The following DLAT variants were observed in gnomAD, a reference collection of about 807,000 sequenced individuals.
The protein encoded by DLAT is dihydrolipoyllysine-residue acetyltransferase component of pyruvate dehydrogenase complex, mitochondrial.
DLAT carries 43 observed loss-of-function variants against 68.0 expected under a neutral mutation model. The observed-to-expected ratio is 0.63, with a 90% CI of 0.50 to 0.81. The LOEUF (loss-of-function observed/expected upper bound fraction) is 0.81. Ranked by LOEUF, DLAT falls within the 40% of genes least tolerant of loss-of-function variation. DLAT has a pLI of 0.00. For synonymous variants in DLAT, 265 were observed against 288.6 expected (o/e 0.92, Z 0.83); for missense variants, 745 against 815.4 (o/e 0.91, Z 1.05).
Position 112,026,183 on chromosome 11 carries a change from C to G in DLAT, c.280-15C>G, listed in dbSNP as rs782149548. 6.3e-7 allele frequency: 1 copy of G among 1,594,474 alleles called. No individual in the cohort carries two copies. The highest frequency in any genetic ancestry group is 8.6e-7 in the Non-Finnish European group (1 of 1,164,632). ...GTCCTTAAAAATTTTAATGTTTCTTCTTTTCCTTTTCCAGGTTCCATTGCC... is the reference window on the plus strand; with the variant it reads ...GTCCTTAAAAATTTTAATGTTTCTTGTTTTCCTTTTCCAGGTTCCATTGCC... On this transcript the variant is annotated splice_polypyrimidine_tract_variant and intron_variant, in intron 1 of 13. Transcript: ENST00000280346.
chr11:112,028,420 C>CA (rs148561787), intron 2 of DLAT, 95 bp from the exon 3 acceptor site: 34,871 of 803,804 alleles, frequency 0.043, 8 homozygotes, highest in Non-Finnish European at 0.049. Context: ...CTCTGTGTCT[C>CA]AAAAAAAAAA....
chr11:112,051,282 G>C lies in DLAT; in HGVS notation c.1447G>C (p.Ala483Pro), dbSNP rs1555181965. The C allele has an allele frequency of 2.5e-6, 4 of 1,613,474 alleles. No individual in the cohort carries two copies. Among genetic ancestry groups the C allele is most frequent in the Admixed American group, 1.7e-5 (1 of 60,022 alleles). Residue 483 changes from alanine (A) to proline (P), a missense_variant, in exon 11 of 14, where the codon GCT (alanine) becomes CCT (proline). Coordinates refer to ENST00000280346, the MANE Select transcript of DLAT (RefSeq NM_001931.5). This position sits in a 1 kb window ranked among gnomAD's most constrained non-coding sequence, Gnocchi z 4.3. ...KISVNDFIIK[A>P]SALACLKVPE... is the part of the protein sequence containing the mutation. ...TTCTGTCAATGACTTCATCATAAAA[G>C]CTTCAGCTTTGGCATGTTTAAAAGT...
intron 4 of DLAT, among the ~76,000 whole-genome samples, chr11:112,031,062 G>C (rs1862366046): frequency 6.6e-6 from 1 of 152,124 alleles, no homozygotes; most frequent in Non-Finnish European, 1.5e-5. Flanking sequence ...ATCTCTGATA[G>C]TATTCTTTAA....
intron 5 of DLAT, among the ~76,000 whole-genome samples, chr11:112,033,983 C>G (rs1241333820): frequency 1.3e-5 from 2 of 152,206 alleles, no homozygotes; most frequent in Non-Finnish European, 2.9e-5. Context: ...CTTGGCCTCT[C>G]AAAGTGCTGG....
chr11:112,037,163 C>G (rs1411595566), intron 5 of DLAT, 110 bp from the exon 6 acceptor site: 1 of 1,024,332 alleles, frequency 9.8e-7, no homozygotes, highest in Non-Finnish European at 1.5e-6. Context: ...GCAAAAAAGG[C>G]TATATAGCTA....
At chr11:112,046,217 T>A (rs782053685) in intron 10 of DLAT, among the ~76,000 whole-genome samples, 3 of 152,208 alleles carry the variant, frequency 2.0e-5, no homozygotes, top group Non-Finnish European at 4.4e-5. Context: ...AGATTTATAC[T>A]TTTGTTTCCT....
At chr11:112,048,499 C>G (rs1555181675) in intron 10 of DLAT, among the ~76,000 whole-genome samples, 1 of 152,144 alleles carries the variant, frequency 6.6e-6, no homozygotes, top group Non-Finnish European at 1.5e-5. Flanking sequence ...ACTTCCAATA[C>G]TATGCTGAAT....
chr11:112,049,657 G>C (rs1555181803), intron 10 of DLAT, among the ~76,000 whole-genome samples: 1 of 151,672 alleles, frequency 6.6e-6, no homozygotes, highest in Non-Finnish European at 1.5e-5. Context: ...AATGGACTCT[G>C]AGCAATCAAT....
chr11:112,031,915 T>G (rs1862424475), intron 4 of DLAT, among the ~76,000 whole-genome samples: 1 of 56,758 alleles, frequency 1.8e-5, no homozygotes, highest in African/African-American at 6.1e-5. Flanking sequence ...TTTTTTTTTT[T>G]GAGACAGTCT....
intron 4 of DLAT, chr11:112,030,077 G>C: frequency 1.1e-6 from 1 of 876,656 alleles, no homozygotes; most frequent in Middle Eastern, 2.4e-4. Context: ...TAAAATTTTC[G>C]TCTGCGAATG....
intron 2 of DLAT, among the ~76,000 whole-genome samples, chr11:112,027,548 C>T (rs1401614427): frequency 2.0e-5 from 3 of 150,876 alleles, no homozygotes; most frequent in African/African-American, 7.4e-5. Flanking sequence ...CCAAGGCAGG[C>T]GGCTGGGAGG....
chr11:112,028,473 A>T, intron 2 of DLAT, 42 bp from the exon 3 acceptor site: 1 of 1,606,964 alleles, frequency 6.2e-7, no homozygotes, highest in Non-Finnish European at 8.5e-7. Context: ...TAAATTACAT[A>T]CCAACAGTAC....
chr11:112,029,988 G>T, intron 4 of DLAT: 1 of 1,021,410 alleles, frequency 9.8e-7, no homozygotes, highest in Non-Finnish European at 1.5e-6. Flanking sequence ...CTTAGAGCAG[G>T]TGATAAAGAA....
chr11:112,026,110 C>T, intron 1 of DLAT, 88 bp from the exon 2 acceptor site: 1 of 1,058,454 alleles, frequency 9.4e-7, no homozygotes, highest in South Asian at 1.3e-5. Flanking sequence ...ATACACTTTG[C>T]ATGAAATTGA....
At chr11:112,031,647 T>C (rs1314898401) in intron 4 of DLAT, among the ~76,000 whole-genome samples, 1 of 151,822 alleles carries the variant, frequency 6.6e-6, no homozygotes, top group Non-Finnish European at 1.5e-5. Context: ...CAATCTTAGC[T>C]CACTGTAGCC....
chr11:112,034,654 G>T (rs1289492330), intron 5 of DLAT, among the ~76,000 whole-genome samples: 3 of 151,886 alleles, frequency 2.0e-5, no homozygotes, highest in South Asian at 2.1e-4. Flanking sequence ...GTGTTAGCCA[G>T]GATGGCCTTG....
chr11:112,061,285 C>T, intron 13 of DLAT, 111 bp downstream of exon 13: 1 of 1,126,634 alleles, frequency 8.9e-7, no homozygotes, highest in South Asian at 1.3e-5. Flanking sequence ...ATATCGTGAT[C>T]CACAATGCTC....
chr11:112,059,901 A>G lies in DLAT; in HGVS notation c.1515-2A>G. 6.3e-7 allele frequency: 1 copy of G among 1,597,830 alleles called. No individual in the cohort carries two copies. The highest frequency in any genetic ancestry group is 2.3e-5 in the East Asian group (1 of 43,828). Reference sequence around the variant, plus strand: ...ATTATATTTATTTTTCTTTTTAAACAGAAATCATGTTGTTGATGTCAGTGT... The same window carrying G: ...ATTATATTTATTTTTCTTTTTAAACGGAAATCATGTTGTTGATGTCAGTGT... On this transcript the variant is annotated splice_acceptor_variant, in intron 11 of 13. Transcript: ENST00000280346. LOFTEE classifies it high-confidence loss of function.
chr11:112,043,940 TG>T (rs1207405772), intron 8 of DLAT, among the ~76,000 whole-genome samples: 1 of 152,220 alleles, frequency 6.6e-6, no homozygotes, highest in Non-Finnish European at 1.5e-5. Context: ...TGTTTTTTTC[TG>T]GAATATTTTT....
Sources: gnomAD v4.1 joint callset for allele counts (sites outside exome capture counted in the v4.1 genomes callset) on GRCh38, gnomAD v4.1.1 for gene constraint, Gnocchi (gnomAD v3.1) non-coding constraint, MANE v1.5 for transcripts, NCBI Gene and HGNC (gene_info 2026-07-23, HGNC 2026-07-21) for gene names.